Variants in DEFB123 observed in about 807,000 individuals in gnomAD.
The protein encoded by DEFB123 is defensin beta 123.
For missense variants in DEFB123, 71 were observed against 75.0 expected (o/e 0.95, Z 0.20); for synonymous variants, 22 against 28.3 (o/e 0.78, Z 0.71).
rs192860054 is a variant in DEFB123 at position 31,441,942 on chromosome 20, A to G, written c.58+1186A>G. On this transcript the variant is annotated intron_variant, in intron 1 of 1. Coordinates refer to ENST00000376309, the MANE Select transcript of DEFB123 (RefSeq NM_153324.4). ...TCAAGTGTGTAATAATATCAGGTTG[A>G]GGGAACAACATTGAACACACTGAAA... is the stretch of plus-strand genomic sequence containing the variant. Among the ~76,000 whole-genome samples, 216 of 152,338 alleles carry G rather than the reference A, an allele frequency of 1.4e-3. 2 individuals are homozygous for G. The highest frequency in any genetic ancestry group is 5.1e-3 in the African/African-American group (211 of 41,576).
intron 1 of DEFB123, among the ~76,000 whole-genome samples, chr20:31,448,792 A>G (rs899206155): frequency 1.4e-4 from 21 of 150,078 alleles, no homozygotes; most frequent in African/African-American, 5.2e-4. Context: ...GCTCACTGCA[A>G]CCTCCACCTC....
At chr20:31,448,087 A>C (rs1255716008) in intron 1 of DEFB123, among the ~76,000 whole-genome samples, 1 of 151,220 alleles carries the variant, frequency 6.6e-6, no homozygotes, top group Non-Finnish European at 1.5e-5. Flanking sequence ...CGTCTGGCCT[A>C]ATTTTTTTAT....
chr20:31,448,767 G>A (rs111795036), intron 1 of DEFB123, among the ~76,000 whole-genome samples: 14,473 of 151,836 alleles, frequency 0.095, 827 homozygotes, highest in Non-Finnish European at 0.13. Flanking sequence ...GCTGAAGTGC[G>A]ATGGCACGAT....
At chr20:31,447,439 T>C (rs1034552686) in intron 1 of DEFB123, among the ~76,000 whole-genome samples, 15 of 152,152 alleles carry the variant, frequency 9.9e-5, no homozygotes, top group Non-Finnish European at 8.8e-5. Flanking sequence ...TTTCTTGTAG[T>C]GAAAGCTTTC....
chr20:31,441,263 G>C (rs544212662), intron 1 of DEFB123, among the ~76,000 whole-genome samples: 6 of 152,170 alleles, frequency 3.9e-5, no homozygotes, highest in African/African-American at 1.2e-4. Flanking sequence ...AGGGTGACAC[G>C]GCTGTGGCAG....
chr20:31,449,905 A>C lies in DEFB123; in HGVS notation c.59-124A>C, dbSNP rs1600555259. On this transcript the variant is annotated intron_variant, in intron 1 of 1. Transcript: ENST00000376309. ...AGGAAAAACAGTGATAGATGAAAAG[A>C]GTCAAAGGCAAGGGAAACAAGGGAC... 4.9e-6 allele frequency: 6 copies of C among 1,220,628 alleles called. No individual in the cohort carries two copies. The East Asian group carries it at 1.6e-4, about 33-fold the overall frequency. 75.6% of individuals were successfully genotyped at this position (1,220,628 alleles called of 1,614,324 possible).
At chr20:31,450,008 C>T (rs999031855) in intron 1 of DEFB123, 21 bp from the exon 2 acceptor site, 9 of 1,599,426 alleles carry the variant, frequency 5.6e-6, no homozygotes, top group Non-Finnish European at 7.7e-6. Flanking sequence ...TACTGTCTCC[C>T]TTCTTTCTGC....
intron 1 of DEFB123, among the ~76,000 whole-genome samples, chr20:31,441,495 G>GTAAA (rs1393368518): frequency 6.6e-6 from 1 of 152,078 alleles, no homozygotes; most frequent in Non-Finnish European, 1.5e-5. Context: ...GGAGGGGTGG[G>GTAAA]TTAGGAGAGA....
intron 1 of DEFB123, among the ~76,000 whole-genome samples, 186 bp downstream of exon 1, chr20:31,440,942 A>G (rs1488315030): frequency 3.3e-5 from 5 of 152,176 alleles, no homozygotes; most frequent in Non-Finnish European, 5.9e-5. Context: ...CTGCTCTCTC[A>G]GCGGCTCCAT....
At chr20:31,449,190 A>G (rs1041744664) in intron 1 of DEFB123, among the ~76,000 whole-genome samples, 2 of 149,838 alleles carry the variant, frequency 1.3e-5, no homozygotes, top group South Asian at 2.1e-4. Flanking sequence ...TCTCCTGGTT[A>G]TGGGTCATAT....
chr20:31,447,776 C>A (rs1268203765), intron 1 of DEFB123, among the ~76,000 whole-genome samples: 1 of 132,370 alleles, frequency 7.6e-6, no homozygotes, highest in Non-Finnish European at 1.6e-5. Flanking sequence ...ACCAACACAC[C>A]CGGCTTTTTT....
Position 31,450,179 on chromosome 20 carries a change from T to C in DEFB123, c.*5T>C. ...GAAAGGTGGTGGCCATTTTAACTGCTTTGAAGCCTGAAGCCATGAAAATGC... is the reference window on the plus strand; with the variant it reads ...GAAAGGTGGTGGCCATTTTAACTGCCTTGAAGCCTGAAGCCATGAAAATGC... On this transcript the variant is annotated 3_prime_UTR_variant, in exon 2 of 2. Coordinates refer to ENST00000376309, the MANE Select transcript of DEFB123 (RefSeq NM_153324.4). The C allele has an allele frequency of 6.3e-7, 1 of 1,598,350 alleles. No individual in the cohort carries two copies. The highest frequency in any genetic ancestry group is 8.5e-7 in the Non-Finnish European group (1 of 1,174,556).
At position 31,450,230 on chromosome 20, in the gene DEFB123, C is replaced by A. The variant is rs1354507731; in HGVS notation, c.*56C>A. The stretch of plus-strand genomic sequence containing the variant: ...AGATGAAGCTCCCAGTGGATTCCCA[C>A]ACTCTATCAATAAACACCTCTGGCT... On this transcript the variant is annotated 3_prime_UTR_variant, in exon 2 of 2. Coordinates refer to ENST00000376309, the MANE Select transcript of DEFB123 (RefSeq NM_153324.4). 1.9e-6 allele frequency: 3 copies of A among 1,549,742 alleles called. No individual in the cohort carries two copies. The highest frequency in any genetic ancestry group is 2.6e-6 in the Non-Finnish European group (3 of 1,153,468).
chr20:31,449,947 T>C, intron 1 of DEFB123, 82 bp from the exon 2 acceptor site: 2 of 1,466,102 alleles, frequency 1.4e-6, no homozygotes, highest in East Asian at 5.0e-5. Context: ...TCTCATCTGT[T>C]TCCATTCTTT....
At chr20:31,446,842 T>G (rs1202419669) in intron 1 of DEFB123, among the ~76,000 whole-genome samples, 1 of 151,820 alleles carries the variant, frequency 6.6e-6, no homozygotes, top group Non-Finnish European at 1.5e-5. Context: ...TTATTTTACT[T>G]TAAACAATTA....
intron 1 of DEFB123, among the ~76,000 whole-genome samples, chr20:31,448,789 G>A (rs974756621): frequency 4.0e-5 from 6 of 151,808 alleles, no homozygotes; most frequent in Admixed American, 2.0e-4. Flanking sequence ...TCAGCTCACT[G>A]CAACCTCCAC....
intron 1 of DEFB123, among the ~76,000 whole-genome samples, chr20:31,441,694 C>T (rs982086380): frequency 2.0e-5 from 3 of 152,082 alleles, no homozygotes; most frequent in East Asian, 1.9e-4. Context: ...CTAAGGCTGT[C>T]GGCTAACCTT....
At chr20:31,447,678 G>A (rs1445898135) in intron 1 of DEFB123, among the ~76,000 whole-genome samples, 5 of 148,998 alleles carry the variant, frequency 3.4e-5, no homozygotes, top group Admixed American at 1.3e-4. Context: ...GTGCAGTGGC[G>A]TGACCACAGC....
chr20:31,450,092 G>C lies in DEFB123; in HGVS notation c.122G>C (p.Arg41Thr). 4 of 1,612,962 alleles carry C rather than the reference G, an allele frequency of 2.5e-6. No homozygotes were observed. In the Middle Eastern group the frequency reaches 6.6e-4, roughly 266 times the overall value. Residue 41 changes from arginine to threonine, a missense_variant, in exon 2 of 2, where the codon AGA becomes ACA. Coordinates refer to ENST00000376309, the MANE Select transcript of DEFB123 (RefSeq NM_153324.4). ...KCRYRCSKKE[R>T]VYVYCINNKM... is the part of the protein sequence containing the mutation. Reference sequence around the variant, plus strand: ...CGTTACAGATGCTCCAAGAAGGAAAGAGTCTATGTTTACTGCATAAATAAT... The same window carrying C: ...CGTTACAGATGCTCCAAGAAGGAAACAGTCTATGTTTACTGCATAAATAAT...
Sources: allele counts gnomAD v4.1 joint callset (sites outside exome capture counted in the v4.1 genomes callset), GRCh38; gene constraint gnomAD v4.1.1; transcripts MANE v1.5; gene names NCBI Gene and HGNC (gene_info 2026-07-23, HGNC 2026-07-21).